ZC3H12B: variants seen among roughly 807,000 people sequenced by gnomAD.
The protein encoded by ZC3H12B is probable ribonuclease ZC3H12B.
ZC3H12B carries 7 observed loss-of-function variants against 43.9 expected under a neutral mutation model. The observed-to-expected ratio is 0.16, with a 90% CI of 0.09 to 0.30. ZC3H12B has a LOEUF of 0.30. ZC3H12B is among the 10% of genes least tolerant of loss of function. ZC3H12B has a pLI of 1.00. For synonymous variants in ZC3H12B, 222 were observed against 241.7 expected (o/e 0.92, Z 0.76); for missense variants, 475 against 670.2 (o/e 0.71, Z 3.22).
chrX:65,117,703 T>C, the ZC3H12B span, among the ~76,000 whole-genome samples: 1 of 111,999 alleles, frequency 8.9e-6, no homozygotes, highest in African/African-American at 3.2e-5. Context: ...AGGTCTAACA[T>C]TTAAGTCTTT....
At chrX:65,158,929 C>G in the ZC3H12B span, among the ~76,000 whole-genome samples, 1 of 111,531 alleles carries the variant, frequency 9.0e-6, no homozygotes, top group Non-Finnish European at 1.9e-5. Context: ...GTCTTTAATC[C>G]ATCTTGAATA....
intron 2 of ZC3H12B, among the ~76,000 whole-genome samples, chrX:65,374,585 A>G: frequency 1.8e-5 from 2 of 110,376 alleles, no homozygotes; most frequent in Middle Eastern, 9.3e-3. Flanking sequence ...TAAGAAGAAA[A>G]AATCAGGTGA....
chrX:65,180,885 G>A, the ZC3H12B span, among the ~76,000 whole-genome samples: 4 of 111,415 alleles, frequency 3.6e-5, no homozygotes, highest in Non-Finnish European at 5.6e-5. Context: ...TTTCTTCACA[G>A]AATTACCAGA....
the ZC3H12B span, among the ~76,000 whole-genome samples, chrX:65,092,165 T>C: frequency 8.9e-6 from 1 of 111,934 alleles, no homozygotes; most frequent in African/African-American, 3.2e-5. Context: ...TCTTGAGATT[T>C]CCTGAGAAGC....
chrX:65,146,575 C>T, the ZC3H12B span, among the ~76,000 whole-genome samples: 29 of 111,631 alleles, frequency 2.6e-4, 1 homozygote, highest in South Asian at 0.011. Context: ...CTGGTTTCTT[C>T]TCATTTAGGT....
chrX:65,413,828 T>A (rs2066930976), intron 3 of ZC3H12B, among the ~76,000 whole-genome samples: 2 of 112,380 alleles, frequency 1.8e-5, no homozygotes, highest in Admixed American at 1.9e-4. Flanking sequence ...GCAAAAGGCA[T>A]CATTGTAAAT....
intron 2 of ZC3H12B, among the ~76,000 whole-genome samples, chrX:65,384,432 C>T (rs1195672320): frequency 9.0e-6 from 1 of 110,940 alleles, no homozygotes; most frequent in African/African-American, 3.3e-5. Context: ...TTAGTGGGTG[C>T]AGTGCACCAG....
chrX:65,316,092 C>T, the ZC3H12B span, among the ~76,000 whole-genome samples: 1 of 111,445 alleles, frequency 9.0e-6, no homozygotes, highest in Middle Eastern at 4.6e-3. Flanking sequence ...AAGACCAATA[C>T]TCTGAAACTA....
intron 3 of ZC3H12B, among the ~76,000 whole-genome samples, chrX:65,441,530 C>T (rs909935409): frequency 3.4e-4 from 38 of 111,916 alleles, no homozygotes; most frequent in African/African-American, 1.1e-3. Flanking sequence ...CTTCCCATTC[C>T]CACATATGGC....
chrX:65,275,720 C>G, the ZC3H12B span, among the ~76,000 whole-genome samples: 1 of 112,211 alleles, frequency 8.9e-6, no homozygotes, highest in South Asian at 3.6e-4. Flanking sequence ...AAAATGTACT[C>G]CATAAAATTG....
the ZC3H12B span, among the ~76,000 whole-genome samples, chrX:65,292,265 CA>C: frequency 9.0e-6 from 1 of 111,560 alleles, no homozygotes; most frequent in Non-Finnish European, 1.9e-5. Flanking sequence ...GGCCATAAAA[CA>C]AATTAAATAG....
the ZC3H12B span, among the ~76,000 whole-genome samples, chrX:65,153,272 A>T: frequency 6.7e-4 from 75 of 112,283 alleles, 1 homozygote; most frequent in African/African-American, 2.3e-3. Flanking sequence ...ATAGCAAAAG[A>T]AACTATCATC....
rs1569379581 is a variant in ZC3H12B at position 65,373,893 on chromosome X, TAA to T, written n.295+4896_295+4897del. 9.9e-3 allele frequency among the ~76,000 whole-genome samples: 239 copies of T among 24,147 alleles called. 7 individuals carry two copies. The highest frequency in any genetic ancestry group is 0.02 in the East Asian group (15 of 758). The allele number at this position is 24,147 out of a possible 115,157, so 21.0% of individuals were successfully genotyped here. ...ATGTACCCTAGAACTTAAAGTATAG[TAA>T]TATATATATATAGTTATATATATAT... On this transcript the variant is annotated intron_variant and non_coding_transcript_variant, in intron 2 of 5. Transcript: ENST00000617377.
chrX:65,403,415 C>T (rs2066786332), intron 3 of ZC3H12B, among the ~76,000 whole-genome samples: 1 of 111,469 alleles, frequency 9.0e-6, no homozygotes, highest in African/African-American at 3.3e-5. Context: ...GTTTATTCAA[C>T]AGGATAATAA....
intron 3 of ZC3H12B, among the ~76,000 whole-genome samples, chrX:65,466,988 G>A (rs1445850850): frequency 5.2e-5 from 4 of 76,364 alleles, no homozygotes; most frequent in Non-Finnish European, 7.7e-5. Context: ...CTTGGTACAG[G>A]TGTTTTTAGG....
the ZC3H12B span, among the ~76,000 whole-genome samples, chrX:65,341,993 CA>C: frequency 6.3e-5 from 7 of 110,705 alleles, no homozygotes; most frequent in African/African-American, 2.3e-4. Context: ...AACCAAGACC[CA>C]ATAATATGCT....
chrX:65,122,830 G>T, the ZC3H12B span, among the ~76,000 whole-genome samples: 1 of 111,608 alleles, frequency 9.0e-6, no homozygotes, highest in African/African-American at 3.2e-5. Flanking sequence ...AACAGGAAGA[G>T]CTAACTATCC....
the ZC3H12B span, among the ~76,000 whole-genome samples, chrX:65,140,205 G>C: frequency 6.3e-5 from 7 of 111,403 alleles, no homozygotes; most frequent in Non-Finnish European, 1.3e-4. Flanking sequence ...TTTTACTGTT[G>C]AGTAGAGTAT....
intron 2 of ZC3H12B, among the ~76,000 whole-genome samples, chrX:65,383,283 A>G (rs922135595): frequency 1.8e-5 from 2 of 111,745 alleles, no homozygotes; most frequent in Non-Finnish European, 3.8e-5. Context: ...GAACAGAGAC[A>G]TCAGAATTAA....
Sources: allele counts gnomAD v4.1 joint callset (sites outside exome capture counted in the v4.1 genomes callset), GRCh38; gene constraint gnomAD v4.1.1; transcripts MANE v1.5; gene names NCBI Gene and HGNC (gene_info 2026-07-23, HGNC 2026-07-21).